Variants in TCF7L2 observed in about 807,000 individuals in gnomAD.
The protein encoded by TCF7L2 is transcription factor 7-like 2.
A neutral mutation model predicts 77.9 loss-of-function variants in TCF7L2; 23 were observed. The observed-to-expected ratio is 0.30, with a 90% CI of 0.21 to 0.42. The LOEUF (loss-of-function observed/expected upper bound fraction) is 0.42, where lower values mean the gene tolerates loss of function less well. Ranked by LOEUF, TCF7L2 falls within the 10% of genes least tolerant of loss-of-function variation. The probability of loss-of-function intolerance (pLI) is 1.00; values close to 1 mark genes in which losing one functional copy is unlikely to be tolerated. For missense variants in TCF7L2, 654 were observed against 793.1 expected, an observed-to-expected ratio of 0.82 and a Z score of 2.11; for synonymous variants, 413 against 340.2, an observed-to-expected ratio of 1.21 and a Z score of -2.36.
rs2066214471 is a variant in TCF7L2 at position 113,129,520 on chromosome 10, A to G, written c.553-11664A>G. ...TTTTTTTTAAAAAATTAAATCTGCAACCAGCTGAACTCTAGATTATTAGTG... is the reference window on the plus strand; with the variant it reads ...TTTTTTTTAAAAAATTAAATCTGCAGCCAGCTGAACTCTAGATTATTAGTG... On this transcript the variant is annotated intron_variant, in intron 5 of 13. Transcript: ENST00000627217. 3 of 1,005,646 alleles carry G rather than the reference A, an allele frequency of 3.0e-6. No individual in the cohort carries two copies. The African/African-American group carries it at 5.2e-5, about 18-fold the overall frequency. 62.3% of individuals were successfully genotyped at this position (1,005,646 alleles called of 1,614,324 possible). A position where few individuals can be genotyped will look rare whatever the true frequency, so the allele number is the denominator to read the frequency against.
intron 4 of TCF7L2, among the ~76,000 whole-genome samples, chr10:112,998,410 G>GTT (rs1211661667): frequency 6.6e-6 from 1 of 152,200 alleles, no homozygotes; most frequent in African/African-American, 2.4e-5. Context: ...AAGAAAAAGG[G>GTT]AGAAAGCAGG....
Position 113,053,516 on chromosome 10 carries a change from A to G in TCF7L2, c.552+13390A>G, listed in dbSNP as rs79048789. Among the ~76,000 whole-genome samples the G allele has an allele frequency of 3.6e-3, 544 of 152,314 alleles. 9 individuals are homozygous for G. The highest frequency in any genetic ancestry group is 0.026 in the South Asian group (124 of 4,818). ...CATGCACTGTCCTGGAGCCTCAGTT[A>G]CTACAAAGTCTGCAAATGATAGACC... is the stretch of plus-strand genomic sequence containing the variant. On this transcript the variant is annotated intron_variant, in intron 5 of 13. Transcript: ENST00000627217.
chr10:113,160,892 C>T (rs1317486219), intron 13 of TCF7L2, among the ~76,000 whole-genome samples: 1 of 152,202 alleles, frequency 6.6e-6, no homozygotes, highest in Non-Finnish European at 1.5e-5. Context: ...TTTCCCCCTG[C>T]TCTCATGAAC....
At chr10:112,991,897 C>G (rs1241163052) in intron 4 of TCF7L2, among the ~76,000 whole-genome samples, 4 of 152,210 alleles carry the variant, frequency 2.6e-5, no homozygotes, top group Non-Finnish European at 4.4e-5. Context: ...GAATGAGCCA[C>G]ATACAGAGGT....
chr10:112,982,409 A>G lies in TCF7L2; in HGVS notation c.450+17785A>G, dbSNP rs929639735. Among the ~76,000 whole-genome samples, 4 of 152,196 alleles carry G rather than the reference A, an allele frequency of 2.6e-5. No individual in the cohort carries two copies. The East Asian group carries it at 7.7e-4, about 29-fold the overall frequency. ...AGTACCTGGCACATAAGAAAGGTTT[A>G]TTGGGTTTATGACTATTCCCAGTGG... On this transcript the variant is annotated intron_variant, in intron 4 of 13. Transcript: ENST00000627217.
chr10:113,070,269 T>TTATATATATATATATA (rs34181424), intron 5 of TCF7L2, among the ~76,000 whole-genome samples: 239 of 124,088 alleles, frequency 1.9e-3, no homozygotes, highest in African/African-American at 6.5e-3. Context: ...AAAAAAAAAT[T>TTATATATATATATATA]TATATATATA....
chr10:113,096,260 G>A lies in TCF7L2; in HGVS notation c.553-44924G>A, dbSNP rs143684362. Among the ~76,000 whole-genome samples, 1,441 of 152,192 alleles carry A rather than the reference G, an allele frequency of 9.5e-3. 17 individuals are homozygous for A. Among genetic ancestry groups the A allele is most frequent in the Middle Eastern group, 0.014 (4 of 294 alleles). Reference sequence around the variant, plus strand: ...CTCAGATAGCAATCCCTTTTATGACGTCAGCAAGGTAGATGTTTGGAATTT... The same window carrying A: ...CTCAGATAGCAATCCCTTTTATGACATCAGCAAGGTAGATGTTTGGAATTT... On this transcript the variant is annotated intron_variant, in intron 5 of 13. Coordinates refer to ENST00000627217, the MANE Select transcript of TCF7L2 (RefSeq NM_001146274.2).
At chr10:113,012,156 G>A (rs1041407463) in intron 4 of TCF7L2, among the ~76,000 whole-genome samples, 5 of 152,086 alleles carry the variant, frequency 3.3e-5, no homozygotes, top group African/African-American at 9.7e-5. Flanking sequence ...AAATTCTAAC[G>A]CCCAGGTCAC....
chr10:113,016,312 C>G (rs550769077), intron 4 of TCF7L2, among the ~76,000 whole-genome samples: 1 of 152,206 alleles, frequency 6.6e-6, no homozygotes, highest in African/African-American at 2.4e-5. Context: ...AGGGATCAGC[C>G]CACCTCGGCC....
At chr10:112,964,093 T>C (rs1327197665) in intron 3 of TCF7L2, among the ~76,000 whole-genome samples, 2 of 152,140 alleles carry the variant, frequency 1.3e-5, no homozygotes, top group African/African-American at 4.8e-5. Context: ...ATTAGAAATA[T>C]GGGGATGGGG....
At chr10:113,112,336 TCACACA>T (rs147018860) in intron 5 of TCF7L2, among the ~76,000 whole-genome samples, 1 of 152,056 alleles carries the variant, frequency 6.6e-6, no homozygotes, top group Non-Finnish European at 1.5e-5. Flanking sequence ...CCAGGCATGT[TCACACA>T]CACACACATG....
intron 5 of TCF7L2, among the ~76,000 whole-genome samples, chr10:113,120,098 A>C (rs925438860): frequency 6.6e-6 from 1 of 152,184 alleles, no homozygotes; most frequent in Non-Finnish European, 1.5e-5. Flanking sequence ...GACTGATGAG[A>C]CCAGAGGCTC....
chr10:113,014,479 G>T (rs570957006), intron 4 of TCF7L2, among the ~76,000 whole-genome samples: 7 of 152,200 alleles, frequency 4.6e-5, no homozygotes, highest in Non-Finnish European at 4.4e-5. Flanking sequence ...AGGAAGCCCA[G>T]TGCTAATCCT....
chr10:113,120,862 A>T (rs567812687), intron 5 of TCF7L2, among the ~76,000 whole-genome samples: 61 of 152,278 alleles, frequency 4.0e-4, no homozygotes, highest in Admixed American at 8.5e-4. Context: ...AAATTGGCTA[A>T]ATGCTTGGCT....
chr10:113,094,247 G>T (rs2060701031), intron 5 of TCF7L2, among the ~76,000 whole-genome samples: 1 of 152,226 alleles, frequency 6.6e-6, no homozygotes, highest in African/African-American at 2.4e-5. Context: ...GAGAGGAAAT[G>T]AAACTTTTCT....
intron 4 of TCF7L2, among the ~76,000 whole-genome samples, chr10:112,965,161 T>C (rs982031811): frequency 1.1e-4 from 16 of 152,106 alleles, no homozygotes; most frequent in Non-Finnish European, 2.1e-4. Flanking sequence ...CATCCTGAAA[T>C]GTTGATTTCT....
chr10:113,077,702 CTTTTTTTT>C (rs34093384), intron 5 of TCF7L2, among the ~76,000 whole-genome samples: 1 of 134,114 alleles, frequency 7.5e-6, no homozygotes, highest in Non-Finnish European at 1.6e-5. Context: ...TTCTTTTCTT[CTTTTTTTT>C]TTTTTTTTGA....
At position 113,166,948 on chromosome 10, in the gene TCF7L2, G is replaced by A. The variant is rs2074067250; in HGVS notation, c.*976G>A. ...TAAAACAAGACTTGAAAATGAGTGA[G>A]GGAATTTTAGCGACACTGTCTGAGC... On this transcript the variant is annotated 3_prime_UTR_variant, in exon 14 of 14. Coordinates refer to ENST00000627217, the MANE Select transcript of TCF7L2 (RefSeq NM_001146274.2). 1 of 230,974 alleles carries A rather than the reference G, an allele frequency of 4.3e-6. No homozygotes were observed. Among genetic ancestry groups the A allele is most frequent in the African/African-American group, 2.2e-5 (1 of 45,178 alleles). 14.3% of individuals were successfully genotyped at this position (230,974 alleles called of 1,614,324 possible). A position where few individuals can be genotyped will look rare whatever the true frequency, so the allele number is the denominator to read the frequency against.
intron 11 of TCF7L2, among the ~76,000 whole-genome samples, chr10:113,155,437 C>G (rs1355637745): frequency 6.6e-6 from 1 of 152,142 alleles, no homozygotes; most frequent in Non-Finnish European, 1.5e-5. Flanking sequence ...ATGCATCTTC[C>G]TCTTCACTAA....
Sources: allele counts gnomAD v4.1 joint callset (sites outside exome capture counted in the v4.1 genomes callset), GRCh38; gene constraint gnomAD v4.1.1; transcripts MANE v1.5; gene names NCBI Gene and HGNC (gene_info 2026-07-23, HGNC 2026-07-21).